The following ACOD1 variants were observed in gnomAD, a reference collection of about 807,000 sequenced individuals.
ACOD1 encodes cis-aconitate decarboxylase.
In ACOD1, 14 loss-of-function variants were observed where a neutral mutation model predicts 14.2. That is an observed-to-expected ratio of 0.99 (90% confidence interval 0.65 to 1.54). The LOEUF is 1.54. Ranked by LOEUF, ACOD1 falls within the 40% of genes most tolerant of loss-of-function variation. The pLI is 0.00. For missense variants in ACOD1, 530 were observed against 586.3 expected (o/e 0.90, Z 0.99); for synonymous variants, 182 against 221.7 (o/e 0.82, Z 1.59).
chr13:76,952,203 A>T (rs2033828413), intron 1 of ACOD1, among the ~76,000 whole-genome samples: 1 of 151,688 alleles, frequency 6.6e-6, no homozygotes, highest in Admixed American at 6.6e-5. Context: ...GCTTCCCTCC[A>T]CCACCACCCA....
chr13:76,957,984 G>C lies in ACOD1; in HGVS notation c.1445G>C (p.Ter482SerextTer7). 1 of 1,512,130 alleles carries C rather than the reference G, an allele frequency of 6.6e-7. No homozygotes were observed. The highest frequency in any genetic ancestry group is 1.3e-5 in the South Asian group (1 of 76,662). The allele number at this position is 1,512,130 out of a possible 1,614,324, so 93.7% of individuals were successfully genotyped here. A position where few individuals can be genotyped will look rare whatever the true frequency, so the allele number is the denominator to read the frequency against. Reference protein sequence around the residue: ...ACNNSITNLS* With the variant: ...ACNNSITNLSS ...AATAATTCTATCACAAATCTCTCCT[G>C]AGGCTTACCAACATCTAAATGACTT... Residue 482 changes from the stop codon to serine (S), a stop_lost, in exon 5 of 5, where the codon TGA becomes TCA. Coordinates refer to ENST00000377462, the MANE Select transcript of ACOD1 (RefSeq NM_001258406.2).
chr13:76,955,138 A>G (rs971023574), intron 3 of ACOD1, among the ~76,000 whole-genome samples, 181 bp from the exon 4 acceptor site: 2 of 58,334 alleles, frequency 3.4e-5, no homozygotes, highest in African/African-American at 6.3e-5. Flanking sequence ...AAAAAAAAAA[A>G]AAAAAAAAAA....
chr13:76,950,815 G>C (rs1378199102), intron 1 of ACOD1, among the ~76,000 whole-genome samples: 1 of 152,078 alleles, frequency 6.6e-6, no homozygotes, highest in East Asian at 1.9e-4. Context: ...CAGCACTTTG[G>C]CTCCCCATTG....
intron 4 of ACOD1, among the ~76,000 whole-genome samples, chr13:76,956,765 G>A (rs1418760104): frequency 6.6e-6 from 1 of 151,106 alleles, no homozygotes; most frequent in East Asian, 2.0e-4. Flanking sequence ...CTCCCACCTT[G>A]GCCTCCCAAA....
At position 76,955,299 on chromosome 13, in the gene ACOD1, G is replaced by A. The variant is rs749237569; in HGVS notation, c.265-20G>A. Reference sequence around the variant, plus strand: ...GGAAAATTTAAGGCTTTTTGTTGCTGTTTGTGTCTGTTTATACAGATTCAC... The same window carrying A: ...GGAAAATTTAAGGCTTTTTGTTGCTATTTGTGTCTGTTTATACAGATTCAC... On this transcript the variant is annotated intron_variant, in intron 3 of 4. Transcript: ENST00000377462. The A allele has an allele frequency of 9.7e-6, 15 of 1,546,606 alleles. No homozygotes were observed. The South Asian group carries it at 1.8e-4, about 18-fold the overall frequency.
chr13:76,955,683 T>C (rs1221534504), intron 4 of ACOD1, among the ~76,000 whole-genome samples, 159 bp downstream of exon 4: 5 of 152,222 alleles, frequency 3.3e-5, no homozygotes, highest in Non-Finnish European at 5.9e-5. Flanking sequence ...CGAAACCCTC[T>C]ATCCACATTT....
chr13:76,956,906 C>A, intron 4 of ACOD1, 104 bp from the exon 5 acceptor site: 2 of 1,237,042 alleles, frequency 1.6e-6, no homozygotes, highest in Non-Finnish European at 2.2e-6. Context: ...GAGATCTGAA[C>A]CCAGACAGTG....
chr13:76,956,618 T>C (rs2033878795), intron 4 of ACOD1, among the ~76,000 whole-genome samples: 1 of 152,102 alleles, frequency 6.6e-6, no homozygotes, highest in African/African-American at 2.4e-5. Flanking sequence ...GTTCAAGGGA[T>C]TCTCCTGCCT....
chr13:76,952,540 C>T lies in ACOD1; in HGVS notation c.64C>T (p.Leu22=), dbSNP rs938623827. The change falls in exon 2 of 5, where the codon CTG becomes TTG. Residue 22 remains leucine (L), a synonymous_variant. Coordinates refer to ENST00000377462, the MANE Select transcript of ACOD1 (RefSeq NM_001258406.2). The part of the protein sequence containing the change: ...TAIHGLKVGH[L]TDRVIQRSKR... Reference sequence around the variant, plus strand: ...AATCCATGGCTTGAAAGTGGGACACCTGACAGATCGTGTTATTCAGAGGAG... The same window carrying T: ...AATCCATGGCTTGAAAGTGGGACACTTGACAGATCGTGTTATTCAGAGGAG... 6.5e-7 allele frequency: 1 copy of T among 1,550,242 alleles called. No individual in the cohort carries two copies. Among genetic ancestry groups the T allele is most frequent in the Admixed American group, 2.0e-5 (1 of 50,964 alleles).
intron 1 of ACOD1, among the ~76,000 whole-genome samples, chr13:76,949,413 G>C (rs2033801978): frequency 6.6e-6 from 1 of 152,206 alleles, no homozygotes; most frequent in South Asian, 2.1e-4. Context: ...ATGAACGCAA[G>C]GACCACAGAC....
chr13:76,953,816 G>GTGGCT lies in ACOD1; in HGVS notation c.264+129_264+133dup, dbSNP rs377598154. 838 of 654,274 alleles carry GTGGCT rather than the reference G, an allele frequency of 1.3e-3. 8 individuals are homozygous for GTGGCT. The highest frequency in any genetic ancestry group is 0.012 in the African/African-American group (696 of 55,846). The allele number at this position is 654,274 out of a possible 1,614,324, so 40.5% of individuals were successfully genotyped here. A position where few individuals can be genotyped will look rare whatever the true frequency, so the allele number is the denominator to read the frequency against. On this transcript the variant is annotated intron_variant, in intron 3 of 4. Coordinates refer to ENST00000377462, the MANE Select transcript of ACOD1 (RefSeq NM_001258406.2). ...AAGAACTGAAAGTCAGACAGATAAA[G>GTGGCT]TGGCTTACCCTCTCTCCTATGTAGT...
chr13:76,955,421 C>G lies in ACOD1; in HGVS notation c.367C>G (p.Pro123Ala), dbSNP rs1473885348. ...TTTAGCAGAAGCCCTGCCAAGGAGTCCAAAGTTTTCTGGCCTTGACCTGCT... is the reference window on the plus strand; with the variant it reads ...TTTAGCAGAAGCCCTGCCAAGGAGTGCAAAGTTTTCTGGCCTTGACCTGCT... ...TALAEALPRS[P>A]KFSGLDLLLA... is the part of the protein sequence containing the mutation. The change falls in exon 4 of 5, where the codon CCA becomes GCA. Residue 123 changes from proline (P) to alanine (A), a missense_variant. Physicochemically the swap from Pro to Ala is conservative, Grantham distance 27 (BLOSUM62 -1). Coordinates refer to ENST00000377462, the MANE Select transcript of ACOD1 (RefSeq NM_001258406.2). 1 of 1,550,528 alleles carries G rather than the reference C, an allele frequency of 6.4e-7. No homozygotes were observed.
chr13:76,957,778 G>A lies in ACOD1; in HGVS notation c.1239G>A (p.Leu413=). 6.4e-7 allele frequency: 1 copy of A among 1,550,770 alleles called. No individual in the cohort carries two copies. Among genetic ancestry groups the A allele is most frequent in the Non-Finnish European group, 8.7e-7 (1 of 1,147,044 alleles). The change falls in exon 5 of 5, where the codon CTG becomes CTA. Residue 413 remains leucine, a synonymous_variant. Transcript: ENST00000377462. ...TCTATGGGCACTGGAGAAAACCACT[G>A]AGCCAGGAGGACCTAGAGGAAAAGT... ...DTFYGHWRKP[L]SQEDLEEKFR... is the part of the protein sequence containing the mutation.
intron 1 of ACOD1, among the ~76,000 whole-genome samples, chr13:76,951,482 T>C (rs2033820497): frequency 6.6e-6 from 1 of 152,240 alleles, no homozygotes; most frequent in Non-Finnish European, 1.5e-5. Flanking sequence ...GTGATCCATC[T>C]GCCTTGGTCT....
At chr13:76,952,340 T>G in intron 1 of ACOD1, 149 bp from the exon 2 acceptor site, 3 of 667,032 alleles carry the variant, frequency 4.5e-6, no homozygotes. Flanking sequence ...ACATCTTTTT[T>G]TTTTTAGAAA....
At position 76,952,781 on chromosome 13, in the gene ACOD1, T is replaced by C. The variant is rs647712; in HGVS notation, c.174+131T>C. The C allele has an allele frequency of 0.013, 9,382 of 718,842 alleles. 677 individuals are homozygous for C. The African/African-American group carries it at 0.15, about 11-fold the overall frequency. 44.5% of individuals were successfully genotyped at this position (718,842 alleles called of 1,614,324 possible). ...GTTCTATATCATTTTTATAATTTCCTATGTTCCATTATCTGAGTTTTAATA... is the reference window on the plus strand; with the variant it reads ...GTTCTATATCATTTTTATAATTTCCCATGTTCCATTATCTGAGTTTTAATA... On this transcript the variant is annotated intron_variant, in intron 2 of 4. Transcript: ENST00000377462.
chr13:76,949,252 C>A (rs148362581), intron 1 of ACOD1, among the ~76,000 whole-genome samples: 1 of 151,468 alleles, frequency 6.6e-6, no homozygotes, highest in African/African-American at 2.4e-5. Flanking sequence ...AGCGACAGAG[C>A]GAGACTCCGT....
chr13:76,951,246 T>TA (rs769710782), intron 1 of ACOD1, among the ~76,000 whole-genome samples: 6 of 152,342 alleles, frequency 3.9e-5, no homozygotes, highest in Non-Finnish European at 8.8e-5. Flanking sequence ...GAATTTTTTT[T>TA]ATTAAGATGA....
At chr13:76,950,575 A>G (rs1161654699) in intron 1 of ACOD1, among the ~76,000 whole-genome samples, 2 of 152,304 alleles carry the variant, frequency 1.3e-5, no homozygotes, top group Admixed American at 1.3e-4. Flanking sequence ...CAGACACTTC[A>G]TATTCAACAA....
Sources: allele counts gnomAD v4.1 joint callset (sites outside exome capture counted in the v4.1 genomes callset), GRCh38; gene constraint gnomAD v4.1.1; transcripts MANE v1.5; gene names NCBI Gene and HGNC (gene_info 2026-07-23, HGNC 2026-07-21).